The following GPC3 variants were observed in gnomAD, a reference collection of about 807,000 sequenced individuals.
The protein encoded by GPC3 is glypican-3.
In GPC3, 3 loss-of-function variants were observed where a neutral mutation model predicts 34.4. That is an observed-to-expected ratio of 0.09 (90% confidence interval 0.04 to 0.23). The LOEUF is 0.23. GPC3 is among the 10% of genes least tolerant of loss of function. GPC3 has a pLI of 1.00. For missense variants in GPC3, 351 were observed against 445.6 expected (o/e 0.79, Z 1.91); for synonymous variants, 177 against 174.0 (o/e 1.02, Z -0.13).
chrX:133,899,027 C>T (rs776589411), intron 2 of GPC3, among the ~76,000 whole-genome samples: 2 of 111,987 alleles, frequency 1.8e-5, no homozygotes, highest in Admixed American at 9.5e-5. Context: ...ACTTAGTAAA[C>T]GGCTCAAAGG....
intron 3 of GPC3, among the ~76,000 whole-genome samples, chrX:133,720,593 C>G (rs1485981154): frequency 9.0e-6 from 1 of 111,642 alleles, no homozygotes; most frequent in African/African-American, 3.3e-5. Flanking sequence ...TGTAAATTGC[C>G]CAGTCTTGGG....
Position 133,621,513 on chromosome X carries a change from C to A in GPC3, c.1414-24914G>T, listed in dbSNP as rs148626678. 1.8e-3 allele frequency among the ~76,000 whole-genome samples: 199 copies of A among 112,434 alleles called. 3 individuals are homozygous for A. In the East Asian group the frequency reaches 0.036, roughly 20 times the overall value. On this transcript the variant is annotated intron_variant, in intron 6 of 7. Coordinates refer to ENST00000370818, the MANE Select transcript of GPC3 (RefSeq NM_004484.4). ...CACACCAGGAGATTATATCCCGCGCCTGGCTTGGAGGGTCCCACGCCCACG... is the reference window on the plus strand; with the variant it reads ...CACACCAGGAGATTATATCCCGCGCATGGCTTGGAGGGTCCCACGCCCACG...
At chrX:133,741,577 T>G (rs1007027296) in intron 3 of GPC3, among the ~76,000 whole-genome samples, 8 of 112,472 alleles carry the variant, frequency 7.1e-5, no homozygotes, top group African/African-American at 2.6e-4. Flanking sequence ...GCAAGAGATG[T>G]ACCTCAAAAG....
At chrX:133,707,802 G>A (rs1265750880) in intron 3 of GPC3, among the ~76,000 whole-genome samples, 2 of 110,714 alleles carry the variant, frequency 1.8e-5, no homozygotes, top group Admixed American at 1.9e-4. Flanking sequence ...TTTGGTTGCT[G>A]TACTCTTTTT....
At chrX:133,824,059 T>TA (rs145090566) in intron 2 of GPC3, among the ~76,000 whole-genome samples, 11,865 of 87,524 alleles carry the variant, frequency 0.14, 972 homozygotes, top group African/African-American at 0.28. Context: ...CTAAAAACAC[T>TA]AAAAAAAAAA....
chrX:133,690,091 C>T (rs1284494050), intron 5 of GPC3, among the ~76,000 whole-genome samples: 2 of 111,543 alleles, frequency 1.8e-5, no homozygotes, highest in Non-Finnish European at 3.8e-5. Context: ...TGCATGGAGC[C>T]ATTAATCCTT....
chrX:133,943,100 C>T (rs181238200), intron 2 of GPC3, among the ~76,000 whole-genome samples: 61 of 111,624 alleles, frequency 5.5e-4, no homozygotes, highest in African/African-American at 1.9e-3. Context: ...AGAATGAGAA[C>T]CTTAATCTTT....
At chrX:133,565,256 C>CA (rs760430235) in intron 7 of GPC3, among the ~76,000 whole-genome samples, 23 of 111,500 alleles carry the variant, frequency 2.1e-4, no homozygotes, top group Non-Finnish European at 4.1e-4. Flanking sequence ...CATCCCTCCT[C>CA]AACAGCTGCT....
intron 2 of GPC3, among the ~76,000 whole-genome samples, chrX:133,920,105 C>G (rs771126602): frequency 9.3e-6 from 1 of 108,038 alleles, no homozygotes; most frequent in East Asian, 2.9e-4. Flanking sequence ...ATCGAGGCTG[C>G]AGTGAGCTTG....
intron 6 of GPC3, among the ~76,000 whole-genome samples, chrX:133,599,484 A>AC (rs1341455684): frequency 5.4e-5 from 6 of 111,606 alleles, no homozygotes; most frequent in Non-Finnish European, 9.4e-5. Flanking sequence ...CATTGTGCAA[A>AC]TATCAACACA....
At chrX:133,751,995 C>A (rs1472690737) in intron 3 of GPC3, among the ~76,000 whole-genome samples, 2 of 111,069 alleles carry the variant, frequency 1.8e-5, no homozygotes, top group African/African-American at 6.6e-5. Context: ...TTCAGTCCCC[C>A]CAGTAGCATG....
chrX:133,828,555 T>A (rs756266717), intron 2 of GPC3, among the ~76,000 whole-genome samples: 2 of 112,182 alleles, frequency 1.8e-5, no homozygotes, highest in Non-Finnish European at 3.8e-5. Context: ...ATGGAAACCC[T>A]ACTTTATCAG....
intron 3 of GPC3, among the ~76,000 whole-genome samples, chrX:133,744,012 T>C (rs1046638984): frequency 9.0e-6 from 1 of 111,647 alleles, no homozygotes; most frequent in African/African-American, 3.3e-5. Context: ...AAAAATTAAC[T>C]CAAGGTAGAT....
At chrX:133,797,586 T>C (rs1193066345) in intron 2 of GPC3, among the ~76,000 whole-genome samples, 1 of 111,360 alleles carries the variant, frequency 9.0e-6, no homozygotes, top group Non-Finnish European at 1.9e-5. Flanking sequence ...ACCAGCAATT[T>C]TGGAGGCCAA....
intron 1 of GPC3, among the ~76,000 whole-genome samples, chrX:133,969,635 A>C (rs1428320623): frequency 2.7e-5 from 3 of 111,835 alleles, no homozygotes; most frequent in Admixed American, 1.9e-4. Flanking sequence ...TCTCCTTTAA[A>C]AAAAAACATC....
At chrX:133,549,278 C>T (rs374634522) in intron 7 of GPC3, among the ~76,000 whole-genome samples, 3 of 111,621 alleles carry the variant, frequency 2.7e-5, no homozygotes, top group African/African-American at 9.8e-5. Flanking sequence ...TCCAGGGGCC[C>T]ATTGCCATCC....
At chrX:133,872,436 G>C (rs1042368419) in intron 2 of GPC3, among the ~76,000 whole-genome samples, 1 of 111,466 alleles carries the variant, frequency 9.0e-6, no homozygotes, top group Non-Finnish European at 1.9e-5. Flanking sequence ...TGTAACTTAC[G>C]GTCCTGTGGA....
intron 5 of GPC3, among the ~76,000 whole-genome samples, chrX:133,677,764 T>C (rs1323806895): frequency 9.0e-6 from 1 of 111,317 alleles, no homozygotes; most frequent in East Asian, 2.8e-4. Flanking sequence ...GGATGGCGCC[T>C]TATAGACTTG....
chrX:133,780,079 C>A (rs1003448066), intron 2 of GPC3, among the ~76,000 whole-genome samples: 1 of 111,529 alleles, frequency 9.0e-6, no homozygotes, highest in East Asian at 2.8e-4. Flanking sequence ...TAGGCTGGGG[C>A]GAGGCTGGGA....
Sources: allele counts gnomAD v4.1 joint callset (sites outside exome capture counted in the v4.1 genomes callset), GRCh38; gene constraint gnomAD v4.1.1; transcripts MANE v1.5; gene names NCBI Gene and HGNC (gene_info 2026-07-23, HGNC 2026-07-21).